The following ZEB1 variants were observed in gnomAD, a reference collection of about 807,000 sequenced individuals.
ZEB1 encodes zinc finger E-box-binding homeobox 1.
A neutral mutation model predicts 84.9 loss-of-function variants in ZEB1; 21 were observed. That is an observed-to-expected ratio of 0.25 (90% CI 0.18 to 0.36). The LOEUF is 0.36. Among genes scored for constraint, ZEB1 ranks in the 10% least tolerant of loss-of-function variants. The pLI is 1.00. For synonymous variants in ZEB1, 420 were observed against 471.1 expected (o/e 0.89, Z 1.41); for missense variants, 1,104 against 1,330.2 (o/e 0.83, Z 2.65).
intron 1 of ZEB1, among the ~76,000 whole-genome samples, chr10:31,393,411 C>A (rs2050143545): frequency 6.6e-6 from 1 of 152,054 alleles, no homozygotes; most frequent in African/African-American, 2.4e-5. Context: ...GTATTTCTAA[C>A]AAATAAAAAG....
Position 31,520,906 on chromosome 10 carries a change from G to C in ZEB1, c.1574G>C (p.Gly525Ala), listed in dbSNP as rs1006411389. 26 of 1,614,004 alleles carry C rather than the reference G, an allele frequency of 1.6e-5. No individual in the cohort carries two copies. Among genetic ancestry groups the C allele is most frequent in the African/African-American group, 5.3e-5 (4 of 74,918 alleles). The change falls in exon 7 of 9, where the codon GGG (glycine) becomes GCG (alanine). Residue 525 changes from glycine (G) to alanine (A), a missense_variant. Coordinates refer to ENST00000424869, the MANE Select transcript of ZEB1 (RefSeq NM_001174096.2). This position sits in a 1 kb window ranked among gnomAD's most constrained non-coding sequence, Gnocchi z 5.1. Reference sequence around the variant, plus strand: ...TCTGAGAAGGACAAAAGCTTTGAAGGGGGGGTGAATGATAGCACTTGTCTT... The same window carrying C: ...TCTGAGAAGGACAAAAGCTTTGAAGCGGGGGTGAATGATAGCACTTGTCTT... The part of the protein sequence containing the change: ...VKSEKDKSFE[G>A]GVNDSTCLLC...
At chr10:31,522,067 C>T in intron 7 of ZEB1, 131 bp downstream of exon 7, 1 of 1,382,378 alleles carries the variant, frequency 7.2e-7, no homozygotes, top group Non-Finnish European at 9.9e-7. Flanking sequence ...TTAAAAGGAT[C>T]AATGTTTGCT....
chr10:31,397,116 A>G (rs2050890009), intron 1 of ZEB1, among the ~76,000 whole-genome samples: 1 of 148,230 alleles, frequency 6.7e-6, no homozygotes, highest in Non-Finnish European at 1.5e-5. Context: ...CCCGGGTTCA[A>G]GCAATTCTGC....
rs1834733163 is a variant in ZEB1, at chr10:31,529,468, G to A, written c.*2204G>A. 1 of 152,076 alleles carries A rather than the reference G, an allele frequency of 6.6e-6. No individual in the cohort carries two copies. The highest frequency in any genetic ancestry group is 1.5e-5 in the Non-Finnish European group (1 of 68,000). 9.4% of individuals were successfully genotyped at this position (152,076 alleles called of 1,614,324 possible). On this transcript the variant is annotated 3_prime_UTR_variant, in exon 9 of 9. Coordinates refer to ENST00000424869, the MANE Select transcript of ZEB1 (RefSeq NM_001174096.2). Reference sequence around the variant, plus strand: ...CTTCAGGTCATTTCAGGGAAGCCTGGGTTTAGATGCCTTTCTGACTCTCAG... The same window carrying A: ...CTTCAGGTCATTTCAGGGAAGCCTGAGTTTAGATGCCTTTCTGACTCTCAG...
chr10:31,398,729 CTGGCAACGG>C (rs1428728960), intron 1 of ZEB1, among the ~76,000 whole-genome samples: 1 of 152,142 alleles, frequency 6.6e-6, no homozygotes, highest in African/African-American at 2.4e-5. Context: ...CTTATTTGAC[CTGGCAACGG>C]TGTTTAACAC....
At chr10:31,337,874 G>C (rs1376623719) in intron 1 of ZEB1, among the ~76,000 whole-genome samples, 1 of 151,910 alleles carries the variant, frequency 6.6e-6, no homozygotes, top group Non-Finnish European at 1.5e-5. Flanking sequence ...AGTAGAGACA[G>C]GGTTTCACCA....
At chr10:31,399,416 G>A (rs1443498295) in intron 1 of ZEB1, among the ~76,000 whole-genome samples, 1 of 151,950 alleles carries the variant, frequency 6.6e-6, no homozygotes, top group Non-Finnish European at 1.5e-5. Flanking sequence ...ATCAGCCTTG[G>A]TGTCACCAAG....
At chr10:31,365,066 A>T (rs1021680323) in intron 1 of ZEB1, among the ~76,000 whole-genome samples, 3 of 152,226 alleles carry the variant, frequency 2.0e-5, no homozygotes, top group Non-Finnish European at 4.4e-5. Context: ...GAAGGATCCA[A>T]GTATGTAAAG....
chr10:31,461,712 A>T (rs2061843211), intron 2 of ZEB1, among the ~76,000 whole-genome samples: 1 of 152,080 alleles, frequency 6.6e-6, no homozygotes. Context: ...TTAAATTTTT[A>T]CTTTTACTCA....
chr10:31,411,489 G>A (rs1208367854), intron 1 of ZEB1, among the ~76,000 whole-genome samples: 8 of 151,834 alleles, frequency 5.3e-5, no homozygotes, highest in Admixed American at 2.0e-4. Flanking sequence ...AAAATTAGCC[G>A]GGCGCGGTGG....
At chr10:31,508,913 G>C (rs1436581574) in intron 4 of ZEB1, among the ~76,000 whole-genome samples, 1 of 152,174 alleles carries the variant, frequency 6.6e-6, no homozygotes, top group African/African-American at 2.4e-5. Flanking sequence ...GGAAATTAGG[G>C]TCGCTGCCAG....
At chr10:31,462,704 G>T (rs1265529472) in intron 2 of ZEB1, among the ~76,000 whole-genome samples, 1 of 152,166 alleles carries the variant, frequency 6.6e-6, no homozygotes, top group Non-Finnish European at 1.5e-5. Context: ...TGTGTACTAT[G>T]TCAAGGAATT....
At chr10:31,508,505 G>A (rs1402162353) in intron 4 of ZEB1, among the ~76,000 whole-genome samples, 1 of 152,248 alleles carries the variant, frequency 6.6e-6, no homozygotes, top group Non-Finnish European at 1.5e-5. Context: ...GATAGTAGCA[G>A]GTTGGGTGGA....
At chr10:31,323,106 T>A (rs1014315839) in intron 1 of ZEB1, among the ~76,000 whole-genome samples, 1 of 152,164 alleles carries the variant, frequency 6.6e-6, no homozygotes, top group Non-Finnish European at 1.5e-5. Flanking sequence ...AGTCTCTAAT[T>A]GAGATTGCTG....
intron 1 of ZEB1, chr10:31,361,130 A>G (rs1205612281): frequency 6.2e-7 from 1 of 1,611,896 alleles, no homozygotes; most frequent in African/African-American, 1.3e-5. Flanking sequence ...GAAAAAGAAG[A>G]ACTGATTGAA....
intron 1 of ZEB1, among the ~76,000 whole-genome samples, chr10:31,411,006 C>G (rs566778312): frequency 6.6e-6 from 1 of 152,274 alleles, no homozygotes; most frequent in Non-Finnish European, 1.5e-5. Flanking sequence ...CAGTTGTGCT[C>G]TGATCTTAGT....
chr10:31,381,466 A>G (rs142743900), intron 1 of ZEB1, among the ~76,000 whole-genome samples: 1 of 152,334 alleles, frequency 6.6e-6, no homozygotes, highest in East Asian at 1.9e-4. Context: ...GATTCAAATA[A>G]AAGCAGAGAA....
At chr10:31,475,673 T>C (rs2064049269) in intron 2 of ZEB1, among the ~76,000 whole-genome samples, 1 of 152,158 alleles carries the variant, frequency 6.6e-6, no homozygotes, top group African/African-American at 2.4e-5. Flanking sequence ...GACATGAATT[T>C]TATATCCTGC....
intron 1 of ZEB1, among the ~76,000 whole-genome samples, chr10:31,434,670 A>G (rs537589274): frequency 6.6e-6 from 1 of 152,318 alleles, no homozygotes; most frequent in Admixed American, 6.5e-5. Flanking sequence ...ACATGATCAG[A>G]ACACTGAACA....
Sources: allele counts gnomAD v4.1 joint callset (sites outside exome capture counted in the v4.1 genomes callset), GRCh38; gene constraint gnomAD v4.1.1; non-coding constraint Gnocchi (gnomAD v3.1); transcripts MANE v1.5; gene names NCBI Gene and HGNC (gene_info 2026-07-23, HGNC 2026-07-21).